Variants in GPHN observed in about 807,000 individuals in gnomAD.
GPHN encodes gephyrin.
In GPHN, 17 loss-of-function variants were observed where a neutral mutation model predicts 95.5. The ratio of observed to expected loss-of-function variants is 0.18; its 90% CI spans 0.12 to 0.27. The LOEUF is 0.27. Ranked by LOEUF, GPHN falls within the 10% of genes least tolerant of loss-of-function variation. The pLI is 1.00. For missense variants in GPHN, 660 were observed against 978.1 expected (o/e 0.67, Z 4.34); for synonymous variants, 320 against 322.5 (o/e 0.99, Z 0.08).
chr14:66,537,316 G>C (rs897864330), intron 1 of GPHN, among the ~76,000 whole-genome samples: 2 of 151,958 alleles, frequency 1.3e-5, no homozygotes, highest in Non-Finnish European at 2.9e-5. Flanking sequence ...TACTTTGGGT[G>C]TTTAAATTTC....
the GPHN span, among the ~76,000 whole-genome samples, chr14:67,244,333 C>T: frequency 2.0e-5 from 3 of 152,314 alleles, no homozygotes; most frequent in South Asian, 6.2e-4. Flanking sequence ...AGCCAAATTA[C>T]CCTTTTTAAT....
chr14:66,819,515 CAT>C (rs1361324860), intron 3 of GPHN, among the ~76,000 whole-genome samples: 1 of 151,932 alleles, frequency 6.6e-6, no homozygotes, highest in Non-Finnish European at 1.5e-5. Flanking sequence ...TCCATTGGTC[CAT>C]GTGTCTTTTT....
At chr14:67,114,600 G>A (rs1397683490) in intron 16 of GPHN, among the ~76,000 whole-genome samples, 1 of 152,122 alleles carries the variant, frequency 6.6e-6, no homozygotes, top group Admixed American at 6.5e-5. Context: ...TGAGGTGGGA[G>A]GATCACTTGA....
chr14:66,709,253 A>C (rs1305908093), intron 2 of GPHN: 3 of 390,348 alleles, frequency 7.7e-6, no homozygotes, highest in Non-Finnish European at 1.6e-5. Flanking sequence ...ATAAAATAGC[A>C]CTATTAAACA....
At chr14:66,526,313 A>AT (rs2139873743) in intron 1 of GPHN, among the ~76,000 whole-genome samples, 1 of 152,226 alleles carries the variant, frequency 6.6e-6, no homozygotes, top group Non-Finnish European at 1.5e-5. Flanking sequence ...AATGTTTGTG[A>AT]TTTTTGCACA....
At chr14:66,939,936 C>G (rs1031222897) in intron 8 of GPHN, among the ~76,000 whole-genome samples, 1 of 152,114 alleles carries the variant, frequency 6.6e-6, no homozygotes, top group Admixed American at 6.5e-5. Context: ...TATTAGAAAA[C>G]TTGTATCAAA....
intron 1 of GPHN, among the ~76,000 whole-genome samples, chr14:66,603,792 G>A (rs2062381123): frequency 6.6e-6 from 1 of 151,848 alleles, no homozygotes; most frequent in African/African-American, 2.4e-5. Flanking sequence ...TTCTACATAG[G>A]TCAGTTGTAG....
chr14:67,363,103 TC>T, the GPHN span, among the ~76,000 whole-genome samples: 1 of 152,142 alleles, frequency 6.6e-6, no homozygotes, highest in African/African-American at 2.4e-5. Flanking sequence ...TTGCAACTGT[TC>T]CATACATTTC....
chr14:67,543,098 G>C, the GPHN span, among the ~76,000 whole-genome samples: 17 of 152,204 alleles, frequency 1.1e-4, no homozygotes, highest in African/African-American at 3.9e-4. Context: ...AAAATTAAGT[G>C]AATCAATCAT....
At chr14:67,224,372 C>G in the GPHN span, among the ~76,000 whole-genome samples, 2 of 151,806 alleles carry the variant, frequency 1.3e-5, no homozygotes, top group South Asian at 2.1e-4. Context: ...GATTCTCTTG[C>G]CTCAGTCTCC....
At chr14:67,572,201 A>G in the GPHN span, 3 of 1,609,006 alleles carry the variant, frequency 1.9e-6, no homozygotes, top group Non-Finnish European at 2.5e-6. Context: ...TGCTCACTGG[A>G]CAGTGACTAC....
chr14:67,675,265 T>G, the GPHN span, among the ~76,000 whole-genome samples: 1 of 152,088 alleles, frequency 6.6e-6, no homozygotes, highest in Non-Finnish European at 1.5e-5. Flanking sequence ...CCCAGTACTT[T>G]GGGAGGCCGA....
chr14:67,057,417 G>GC (rs899597922), intron 10 of GPHN, among the ~76,000 whole-genome samples: 2 of 150,660 alleles, frequency 1.3e-5, no homozygotes, highest in African/African-American at 4.9e-5. Flanking sequence ...TGGGTGGGGG[G>GC]GGCAACAGCA....
intron 18 of GPHN, among the ~76,000 whole-genome samples, chr14:67,148,629 C>T (rs949244222): frequency 2.1e-5 from 3 of 141,046 alleles, no homozygotes; most frequent in Non-Finnish European, 4.5e-5. Context: ...GGTGCCATCT[C>T]GGCTCACTGC....
At chr14:66,773,924 C>A (rs1424329823) in intron 2 of GPHN, among the ~76,000 whole-genome samples, 3 of 150,896 alleles carry the variant, frequency 2.0e-5, no homozygotes, top group Non-Finnish European at 4.4e-5. Context: ...TATCATTGGG[C>A]CCTAGATAAT....
At chr14:67,441,673 T>A in the GPHN span, among the ~76,000 whole-genome samples, 5 of 151,380 alleles carry the variant, frequency 3.3e-5, no homozygotes, top group African/African-American at 9.7e-5. Flanking sequence ...GACTGCCCTC[T>A]CCATGGTGGG....
In GPHN at chr14:66,832,079, G is replaced by A. The variant is rs964561534; in HGVS notation, c.294+7513G>A. ...CGAGAATCACTTGAACCCAGGAGGC[G>A]GAAGTTGCAGTGAGCAAAGATGGGG... On this transcript the variant is annotated intron_variant, in intron 4 of 22. Coordinates refer to ENST00000478722, the MANE Select transcript of GPHN (RefSeq NM_020806.5). Among the ~76,000 whole-genome samples the A allele has an allele frequency of 5.3e-5, 8 of 152,228 alleles. No homozygotes were observed. The South Asian group carries it at 8.3e-4, about 16-fold the overall frequency.
At chr14:66,664,276 C>T (rs1166612883) in intron 1 of GPHN, among the ~76,000 whole-genome samples, 1 of 152,120 alleles carries the variant, frequency 6.6e-6, no homozygotes, top group Non-Finnish European at 1.5e-5. Context: ...GAAATCATAA[C>T]CAACAGTCTC....
intron 9 of GPHN, among the ~76,000 whole-genome samples, chr14:66,986,798 C>T (rs2071054874): frequency 1.3e-5 from 2 of 152,122 alleles, no homozygotes; most frequent in African/African-American, 2.4e-5. Context: ...ATTTTGCACA[C>T]CTCCAATTTA....
Sources: gnomAD v4.1 joint callset for allele counts (sites outside exome capture counted in the v4.1 genomes callset) on GRCh38, gnomAD v4.1.1 for gene constraint, MANE v1.5 for transcripts, NCBI Gene and HGNC (gene_info 2026-07-23, HGNC 2026-07-21) for gene names.